Variants in TMC2 observed in about 807,000 individuals in gnomAD.
TMC2 encodes the protein transmembrane channel like 2.
Under a neutral mutation model 105.9 loss-of-function variants are expected in TMC2, and 102 were observed. The observed-to-expected ratio is 0.96, with a 90% CI of 0.82 to 1.14. TMC2 has a LOEUF of 1.14. Ranked by LOEUF, TMC2 falls within the 50% of genes most tolerant of loss-of-function variation. The pLI is 0.00. For missense variants in TMC2, 1,093 were observed against 1,134.3 expected (o/e 0.96, Z 0.52); for synonymous variants, 402 against 422.8 (o/e 0.95, Z 0.60).
At chr20:2,582,484 T>G (rs554300424) in intron 7 of TMC2, among the ~76,000 whole-genome samples, 10 of 152,194 alleles carry the variant, frequency 6.6e-5, no homozygotes, top group East Asian at 3.9e-4. Context: ...TTTATATATA[T>G]ATAGAGAGAG....
chr20:2,545,916 GAAAT>G (rs2085923599), intron 2 of TMC2, among the ~76,000 whole-genome samples: 5 of 146,394 alleles, frequency 3.4e-5, no homozygotes, highest in East Asian at 2.0e-4. Context: ...AAAAAAGAAA[GAAAT>G]GAAAGAAAGA....
intron 5 of TMC2, among the ~76,000 whole-genome samples, chr20:2,577,076 T>C (rs559214044): frequency 6.7e-6 from 1 of 148,410 alleles, no homozygotes; most frequent in South Asian, 2.2e-4. Context: ...CCCAGCTAAG[T>C]ATTGTATTTT....
chr20:2,575,443 C>T (rs1301696183), intron 5 of TMC2, among the ~76,000 whole-genome samples: 1 of 152,064 alleles, frequency 6.6e-6, no homozygotes, highest in Non-Finnish European at 1.5e-5. Context: ...TGAATGTTAC[C>T]GTCTTTTTAA....
intron 11 of TMC2, among the ~76,000 whole-genome samples, chr20:2,609,526 T>C (rs1001468901): frequency 6.6e-6 from 1 of 151,896 alleles, no homozygotes; most frequent in Non-Finnish European, 1.5e-5. Context: ...GCACAAACAA[T>C]AGTAGGCAGG....
At chr20:2,635,563 CAT>C (rs1024707535) in intron 17 of TMC2, among the ~76,000 whole-genome samples, 7 of 152,244 alleles carry the variant, frequency 4.6e-5, no homozygotes, top group African/African-American at 7.2e-5. Context: ...GGATTGTGCA[CAT>C]GGCACAGAGC....
rs144762701 is a variant in TMC2 at position 2,558,715 on chromosome 20, A to C, written c.342A>C (p.Pro114=). ...RASFQERTAA[P]KREKEIPRRE... ...CCTTCCAGGAGCGGACAGCAGCCCC[A>C]AAGAGGGAAAAGGAGATTCCGAGGA... The change falls in exon 3 of 20, where the codon CCA becomes CCC. Residue 114 remains proline, a synonymous_variant. Transcript: ENST00000358864. The surrounding 1 kb of genome is among the most constrained non-coding windows in gnomAD (Gnocchi z 4.6). 8.2e-5 allele frequency: 132 copies of C among 1,601,182 alleles called. 2 individuals are homozygous for C. The African/African-American group carries it at 9.5e-4, about 12-fold the overall frequency.
At chr20:2,565,748 G>A (rs529525181) in intron 4 of TMC2, among the ~76,000 whole-genome samples, 1 of 152,106 alleles carries the variant, frequency 6.6e-6, no homozygotes, top group Admixed American at 6.5e-5. Flanking sequence ...TATCTAAAAA[G>A]GCTTGCTAGT....
rs78353450 is a variant in TMC2, at chr20:2,602,934, A to C, written c.1413+633A>C. Among the ~76,000 whole-genome samples the C allele has an allele frequency of 1.3e-3, 202 of 152,244 alleles. 3 individuals carry two copies. The East Asian group carries it at 0.035, about 26-fold the overall frequency. On this transcript the variant is annotated intron_variant, in intron 11 of 19. Coordinates refer to ENST00000358864, the MANE Select transcript of TMC2 (RefSeq NM_080751.3). ...TCTGTGTCCTCCATCTTTTGAATCC[A>C]CCTTAGCTTGGTCATGTGACTTGGT...
intron 5 of TMC2, among the ~76,000 whole-genome samples, chr20:2,575,523 T>C (rs2086137966): frequency 6.6e-6 from 1 of 152,230 alleles, no homozygotes. Flanking sequence ...ACTGCTTTTT[T>C]ATTGCAGTAA....
chr20:2,581,246 A>T (rs2086187430), intron 7 of TMC2, among the ~76,000 whole-genome samples: 1 of 152,264 alleles, frequency 6.6e-6, no homozygotes, highest in African/African-American at 2.4e-5. Context: ...ACCATGCATT[A>T]TAATAGCCTT....
At chr20:2,587,572 C>T (rs1272467734) in intron 7 of TMC2, among the ~76,000 whole-genome samples, 1 of 151,162 alleles carries the variant, frequency 6.6e-6, no homozygotes, top group Non-Finnish European at 1.5e-5. Context: ...GTAAATTTTC[C>T]TGTGGTAGGT....
At chr20:2,538,618 C>T (rs976502818) in intron 2 of TMC2, among the ~76,000 whole-genome samples, 2 of 152,216 alleles carry the variant, frequency 1.3e-5, no homozygotes, top group African/African-American at 4.8e-5. Flanking sequence ...CGGGACTCCC[C>T]TGTGAGCAGT....
chr20:2,569,298 C>A (rs1317582800), intron 4 of TMC2, among the ~76,000 whole-genome samples: 1 of 152,220 alleles, frequency 6.6e-6, no homozygotes, highest in Non-Finnish European at 1.5e-5. Flanking sequence ...ATTTAATAGA[C>A]AAATTGATTC....
chr20:2,592,211 T>C lies in TMC2; in HGVS notation c.835-99T>C, dbSNP rs939547670. The C allele has an allele frequency of 1.4e-5, 10 of 732,116 alleles. No homozygotes were observed. Among genetic ancestry groups the C allele is most frequent in the Admixed American group, 2.2e-5 (1 of 44,514 alleles). The allele number at this position is 732,116 out of a possible 1,614,324, so 45.4% of individuals were successfully genotyped here. ...ATAAAGAAAGAAGAAAATAGGTGTATTCCGCTCTGAGAAGGAAAGCATTTA... is the reference window on the plus strand; with the variant it reads ...ATAAAGAAAGAAGAAAATAGGTGTACTCCGCTCTGAGAAGGAAAGCATTTA... On this transcript the variant is annotated intron_variant, in intron 7 of 19. Transcript: ENST00000358864. This position sits in a 1 kb window ranked among gnomAD's most constrained non-coding sequence, Gnocchi z 4.9.
intron 4 of TMC2, among the ~76,000 whole-genome samples, chr20:2,571,755 C>T (rs1180607673): frequency 1.3e-5 from 2 of 152,168 alleles, no homozygotes; most frequent in Non-Finnish European, 2.9e-5. Flanking sequence ...AATCCCAGCA[C>T]TTTGGGAGGC....
chr20:2,605,955 G>T (rs1344764827), intron 11 of TMC2, among the ~76,000 whole-genome samples: 1 of 152,204 alleles, frequency 6.6e-6, no homozygotes, highest in Non-Finnish European at 1.5e-5. Context: ...CCTTGACTTT[G>T]GTTTGAAGCA....
At chr20:2,576,907 TTTTTTG>T (rs1366233987) in intron 5 of TMC2, among the ~76,000 whole-genome samples, 1,133 of 109,298 alleles carry the variant, frequency 0.01, 31 homozygotes, top group African/African-American at 0.041. Context: ...TTGGTTTTTT[TTTTTTG>T]TTTTTTTTTT....
rs1307814155 is a variant in TMC2 at position 2,592,417 on chromosome 20, G to T, written c.933+9G>T. ...TCCTTTGGGATTTTGAGGTACTATT[G>T]TCAACATGCCAATGAACTTCCATTT... On this transcript the variant is annotated intron_variant, in intron 8 of 19. Coordinates refer to ENST00000358864, the MANE Select transcript of TMC2 (RefSeq NM_080751.3). The surrounding 1 kb of genome is among the most constrained non-coding windows in gnomAD (Gnocchi z 4.9). 4 of 1,570,814 alleles carry T rather than the reference G, an allele frequency of 2.5e-6. No homozygotes were observed. Among genetic ancestry groups the T allele is most frequent in the Non-Finnish European group, 2.6e-6 (3 of 1,140,648 alleles).
Position 2,558,964 on chromosome 20 carries a change from G to C in TMC2, c.401+190G>C, listed in dbSNP as rs903634654. Among the ~76,000 whole-genome samples, 1 of 152,182 alleles carries C rather than the reference G, an allele frequency of 6.6e-6. No homozygotes were observed. On this transcript the variant is annotated intron_variant, in intron 3 of 19. Transcript: ENST00000358864. The surrounding 1 kb of genome is among the most constrained non-coding windows in gnomAD (Gnocchi z 4.6). Reference sequence around the variant, plus strand: ...GCGGTGGGTTCTTCATCCCAGAACCGGGATGAAGATCGCGGGTCCGCGCGG... The same window carrying C: ...GCGGTGGGTTCTTCATCCCAGAACCCGGATGAAGATCGCGGGTCCGCGCGG...
Sources: gnomAD v4.1 joint callset for allele counts (sites outside exome capture counted in the v4.1 genomes callset) on GRCh38, gnomAD v4.1.1 for gene constraint, Gnocchi (gnomAD v3.1) non-coding constraint, MANE v1.5 for transcripts, NCBI Gene and HGNC (gene_info 2026-07-23, HGNC 2026-07-21) for gene names.